RGS12: variants seen among roughly 807,000 people sequenced by gnomAD.
RGS12 encodes the protein regulator of G protein signaling 12.
RGS12 carries 66 observed loss-of-function variants against 120.1 expected under a neutral mutation model. The observed-to-expected ratio is 0.55, with a 90% CI of 0.45 to 0.67. The LOEUF is 0.67. Ranked by LOEUF, RGS12 falls within the 30% of genes least tolerant of loss-of-function variation. RGS12 has a pLI of 0.00. For missense variants in RGS12, 1,859 were observed against 1,957.7 expected, an observed-to-expected ratio of 0.95 and a Z score of 0.95; for synonymous variants, 827 against 804.7, an observed-to-expected ratio of 1.03 and a Z score of -0.47.
rs1174446205 is a variant in RGS12, at chr4:3,343,057, A to G, written c.1998+4A>G. 3 of 1,588,716 alleles carry G rather than the reference A, an allele frequency of 1.9e-6. No homozygotes were observed. Among genetic ancestry groups the G allele is most frequent in the Non-Finnish European group, 2.6e-6 (3 of 1,158,636 alleles). ...TCGCTCCCTTGATGATCTTGAGGTA[A>G]TTTAATTTTCATTTTTCTTCTTTTC... On this transcript the variant is annotated splice_donor_region_variant and intron_variant, in intron 3 of 17. Coordinates refer to ENST00000336727, the MANE Select transcript of RGS12 (RefSeq NM_001394154.1).
intron 1 of RGS12, among the ~76,000 whole-genome samples, chr4:3,310,792 C>G (rs916387427): frequency 6.6e-6 from 1 of 151,998 alleles, no homozygotes; most frequent in Non-Finnish European, 1.5e-5. Context: ...GGTGGGCAGG[C>G]GCCTGCGGGG....
At chr4:3,291,252 G>A (rs1723004706), upstream of RGS12, among the ~76,000 whole-genome samples, 1 of 152,180 alleles carries the variant, frequency 6.6e-6, no homozygotes, top group African/African-American at 2.4e-5. Context: ...CTGGCTTGGC[G>A]CTGCTCTGGA....
intron 1 of RGS12, among the ~76,000 whole-genome samples, chr4:3,312,227 AATTG>A (rs1724445623): frequency 6.6e-6 from 1 of 152,052 alleles, no homozygotes; most frequent in African/African-American, 2.4e-5. Context: ...CTTTACTATT[AATTG>A]ATACAGTTTT....
At chr4:3,288,612 C>A (rs569336837), upstream of RGS12, among the ~76,000 whole-genome samples, 1 of 152,318 alleles carries the variant, frequency 6.6e-6, no homozygotes, top group East Asian at 1.9e-4. The surrounding 1 kb of genome is among the most constrained non-coding windows in gnomAD (Gnocchi z 5.2). Context: ...ACAAGCAAGC[C>A]CCCAAAGTCT....
At chr4:3,383,973 C>T (rs751139857) in intron 3 of RGS12, among the ~76,000 whole-genome samples, 1 of 152,178 alleles carries the variant, frequency 6.6e-6, no homozygotes, top group Non-Finnish European at 1.5e-5. Flanking sequence ...CTTTGTTCGG[C>T]CTGCCAGATT....
intron 3 of RGS12, among the ~76,000 whole-genome samples, chr4:3,344,805 G>A (rs958035392): frequency 1.3e-5 from 2 of 152,220 alleles, no homozygotes; most frequent in African/African-American, 4.8e-5. Context: ...CTTCCTGGCT[G>A]TAAATCTCTT....
intron 4 of RGS12, among the ~76,000 whole-genome samples, chr4:3,388,074 C>G (rs1719043101): frequency 6.6e-6 from 1 of 152,148 alleles, no homozygotes; most frequent in Non-Finnish European, 1.5e-5. Flanking sequence ...GAAGTGTATC[C>G]TGGCCACGCA....
chr4:3,370,373 G>A (rs1415968706), intron 3 of RGS12: 3 of 1,557,536 alleles, frequency 1.9e-6, no homozygotes, highest in Non-Finnish European at 2.7e-6. Flanking sequence ...GGAAAGCGTG[G>A]CACCCTGGCT....
At position 3,310,876 on chromosome 4, in the gene RGS12, TG is replaced by T. The variant is rs1724353429; in HGVS notation, c.-101-5191del. On this transcript the variant is annotated intron_variant, in intron 1 of 17. Coordinates refer to ENST00000336727, the MANE Select transcript of RGS12 (RefSeq NM_001394154.1). ...CTTCCTCTGTGCATCCACGTAAGTG[TG>T]GGTAAGCCAAGAATAGCCTGGGTTC... 2.0e-5 allele frequency among the ~76,000 whole-genome samples: 3 copies of T among 152,102 alleles called. No homozygotes were observed. The South Asian group carries it at 6.2e-4, about 32-fold the overall frequency.
chr4:3,354,159 C>A (rs1360413082), intron 3 of RGS12, among the ~76,000 whole-genome samples: 1 of 152,128 alleles, frequency 6.6e-6, no homozygotes, highest in African/African-American at 2.4e-5. Context: ...TTAAGCAATA[C>A]CCTTGCTGGC....
intron 3 of RGS12, among the ~76,000 whole-genome samples, chr4:3,351,737 T>C (rs1714376479): frequency 1.3e-5 from 2 of 152,146 alleles, no homozygotes. Context: ...CTGATGTAGT[T>C]TGCCCATCAC....
intron 2 of RGS12, among the ~76,000 whole-genome samples, chr4:3,340,456 G>C (rs949117824): frequency 1.1e-4 from 16 of 152,248 alleles, no homozygotes; most frequent in Non-Finnish European, 1.6e-4. Flanking sequence ...TGAGGGGTCA[G>C]GGGAGGGAAG....
At chr4:3,346,020 C>T (rs539875444) in intron 3 of RGS12, among the ~76,000 whole-genome samples, 1 of 152,284 alleles carries the variant, frequency 6.6e-6, no homozygotes, top group East Asian at 1.9e-4. Flanking sequence ...GCTGAGATTA[C>T]AGGCATGAGC....
rs1057472328 is a variant in RGS12, at chr4:3,390,755, G to C, written c.2020+4318G>C. Reference sequence around the variant, plus strand: ...CCTAGCCTTGTGTCTTCATCTCGCCGGTCCTTGTTAGCGAACAGGCACTGA... The same window carrying C: ...CCTAGCCTTGTGTCTTCATCTCGCCCGTCCTTGTTAGCGAACAGGCACTGA... On this transcript the variant is annotated intron_variant, in intron 4 of 17. Coordinates refer to ENST00000336727, the MANE Select transcript of RGS12 (RefSeq NM_001394154.1). The surrounding 1 kb of genome is among the most constrained non-coding windows in gnomAD (Gnocchi z 4.6). Among the ~76,000 whole-genome samples the C allele has an allele frequency of 6.6e-6, 1 of 152,170 alleles. No individual in the cohort carries two copies. Among genetic ancestry groups the C allele is most frequent in the East Asian group, 1.9e-4 (1 of 5,198 alleles).
At chr4:3,387,115 G>A (rs539905073) in intron 4 of RGS12, among the ~76,000 whole-genome samples, 29 of 152,244 alleles carry the variant, frequency 1.9e-4, no homozygotes, top group Admixed American at 1.8e-3. Flanking sequence ...CTGACAGTCC[G>A]CAGGCTCTCG....
At chr4:3,411,129 C>G (rs1234615599) in intron 4 of RGS12, among the ~76,000 whole-genome samples, 1 of 152,190 alleles carries the variant, frequency 6.6e-6, no homozygotes, top group East Asian at 1.9e-4. Flanking sequence ...ACACTTAAAT[C>G]TTTGATTCAT....
At chr4:3,304,956 C>A (rs965397333) in intron 1 of RGS12, among the ~76,000 whole-genome samples, 3 of 152,222 alleles carry the variant, frequency 2.0e-5, no homozygotes, top group African/African-American at 7.2e-5. Flanking sequence ...AAGGCGTTGG[C>A]CAGGGCTGTG....
intron 1 of RGS12, among the ~76,000 whole-genome samples, chr4:3,312,271 T>A (rs192941415): frequency 6.6e-6 from 1 of 152,224 alleles, no homozygotes; most frequent in South Asian, 2.1e-4. Flanking sequence ...GCTGAACTTA[T>A]GTGATTATTT....
Position 3,372,610 on chromosome 4 carries a change from G to A in RGS12, c.1999-13806G>A, listed in dbSNP as rs1717145923. Among the ~76,000 whole-genome samples, 1 of 152,254 alleles carries A rather than the reference G, an allele frequency of 6.6e-6. No individual in the cohort carries two copies. On this transcript the variant is annotated intron_variant, in intron 3 of 17. Transcript: ENST00000336727. This position sits in a 1 kb window ranked among gnomAD's most constrained non-coding sequence, Gnocchi z 4.3. ...TGCCCTGTGTGGCCGGCATGGAGGT[G>A]GCGGCGGCCATCAGGGTGTGGTTTT...
Sources: gnomAD v4.1 joint callset for allele counts (sites outside exome capture counted in the v4.1 genomes callset) on GRCh38, gnomAD v4.1.1 for gene constraint, Gnocchi (gnomAD v3.1) non-coding constraint, MANE v1.5 for transcripts, NCBI Gene and HGNC (gene_info 2026-07-23, HGNC 2026-07-21) for gene names.